The following PRKN variants were observed in gnomAD, a reference collection of about 807,000 sequenced individuals.
The protein encoded by PRKN is E3 ubiquitin-protein ligase parkin.
Under a neutral mutation model 59.5 loss-of-function variants are expected in PRKN, and 56 were observed. The observed-to-expected ratio is 0.94, with a 90% CI of 0.76 to 1.18. The LOEUF (loss-of-function observed/expected upper bound fraction) is 1.18, where lower values mean the gene tolerates loss of function less well. Among genes scored for constraint, PRKN ranks in the 50% most tolerant of loss-of-function variants. The probability of loss-of-function intolerance (pLI) is 0.00; values close to 1 mark genes in which losing one functional copy is unlikely to be tolerated. For synonymous variants in PRKN, 250 were observed against 222.1 expected, an observed-to-expected ratio of 1.13 and a Z score of -1.12; for missense variants, 657 against 596.4, an observed-to-expected ratio of 1.10 and a Z score of -1.06.
chr6:162,548,860 G>T (rs76018423), intron 1 of PRKN, among the ~76,000 whole-genome samples: 343 of 152,124 alleles, frequency 2.3e-3, no homozygotes, highest in African/African-American at 7.8e-3. Context: ...AATAACTCTC[G>T]GGTGCTTTTT....
At chr6:162,724,822 T>C (rs1404862799) in intron 1 of PRKN, among the ~76,000 whole-genome samples, 1 of 152,206 alleles carries the variant, frequency 6.6e-6, no homozygotes, top group South Asian at 2.1e-4. Flanking sequence ...AAGTATTCTG[T>C]TTTATCTAAG....
chr6:162,433,207 G>A (rs556285860), intron 2 of PRKN, among the ~76,000 whole-genome samples: 1 of 152,210 alleles, frequency 6.6e-6, no homozygotes, highest in Admixed American at 6.5e-5. Context: ...TCCTTTGTAG[G>A]TAAAATTTCA....
Position 161,480,231 on chromosome 6 carries a change from G to C in PRKN, c.1083+68623C>G, listed in dbSNP as rs182322723. On this transcript the variant is annotated intron_variant, in intron 9 of 11. Transcript: ENST00000366898. This position sits in a 1 kb window ranked among gnomAD's most constrained non-coding sequence, Gnocchi z 4.1. ...AAGCCCAGTGCAAAACAAAGACACA[G>C]AGCCCCTTCTTCAAAAATGATTTAG... Among the ~76,000 whole-genome samples, 208 of 152,276 alleles carry C rather than the reference G, an allele frequency of 1.4e-3. 2 individuals are homozygous for C. The highest frequency in any genetic ancestry group is 4.8e-3 in the African/African-American group (199 of 41,554).
chr6:161,662,662 T>C (rs1374049310), intron 7 of PRKN, among the ~76,000 whole-genome samples: 1 of 124,794 alleles, frequency 8.0e-6, no homozygotes, highest in African/African-American at 2.6e-5. Context: ...TCTGACCACT[T>C]TGTGTCTTTG....
intron 2 of PRKN, among the ~76,000 whole-genome samples, chr6:162,401,979 G>C (rs1787816868): frequency 6.6e-6 from 1 of 152,092 alleles, no homozygotes; most frequent in Admixed American, 6.5e-5. Context: ...GCCGGGTGAA[G>C]TGGCTCATCC....
rs1320439103 is a variant in PRKN at position 161,548,904 on chromosome 6, G to A, written c.1033C>T (p.Pro345Ser). 6.2e-7 allele frequency: 1 copy of A among 1,614,138 alleles called. No individual in the cohort carries two copies. The highest frequency in any genetic ancestry group is 8.5e-7 in the Non-Finnish European group (1 of 1,180,014). The change falls in exon 9 of 12, where the codon CCT (proline) becomes TCT (serine). Residue 345 changes from proline to serine, a missense_variant. By Grantham distance (74) the Pro-to-Ser change is moderately conservative. Transcript: ENST00000366898. The surrounding 1 kb of genome is among the most constrained non-coding windows in gnomAD (Gnocchi z 4.2). ...PGCGAGLLPE[P>S]DQRKVTCEGG... ...TCGCAGGTGACTTTCCTCTGGTCAG[G>A]CTCCGGCAGCAGCCCCGCTCCACAG...
intron 1 of PRKN, among the ~76,000 whole-genome samples, chr6:162,459,709 T>C (rs1791066527): frequency 6.6e-6 from 1 of 152,194 alleles, no homozygotes; most frequent in African/African-American, 2.4e-5. Flanking sequence ...CATGTAAAAT[T>C]CTTAGATTAA....
At chr6:162,722,049 C>A (rs988116274) in intron 1 of PRKN, among the ~76,000 whole-genome samples, 1 of 152,112 alleles carries the variant, frequency 6.6e-6, no homozygotes, top group Non-Finnish European at 1.5e-5. Flanking sequence ...GCAATCTATA[C>A]CACCAATATA....
At position 161,575,420 on chromosome 6, in the gene PRKN, C is replaced by T. The variant is rs1349097601; in HGVS notation, c.872-6004G>A. ...CAACCCCAAACAAAACAAAACAAAA[C>T]AAATACCTTTGAGAGATTAACTGAG... On this transcript the variant is annotated intron_variant, in intron 7 of 11. Transcript: ENST00000366898. This position sits in a 1 kb window ranked among gnomAD's most constrained non-coding sequence, Gnocchi z 4.6. 2.0e-5 allele frequency among the ~76,000 whole-genome samples: 3 copies of T among 152,230 alleles called. No homozygotes were observed. The highest frequency in any genetic ancestry group is 4.4e-5 in the Non-Finnish European group (3 of 68,000).
intron 9 of PRKN, among the ~76,000 whole-genome samples, chr6:161,474,388 G>A (rs548131024): frequency 1.3e-5 from 2 of 152,278 alleles, no homozygotes; most frequent in African/African-American, 4.8e-5. Flanking sequence ...AGTCCGTGGA[G>A]CTTGTGAACT....
chr6:162,469,334 A>C (rs1791593062), intron 1 of PRKN, among the ~76,000 whole-genome samples: 1 of 79,306 alleles, frequency 1.3e-5, no homozygotes, highest in Non-Finnish European at 2.4e-5. Flanking sequence ...GAATGTTAAG[A>C]AAGTGGGGGG....
At chr6:161,913,732 G>A (rs1778452564) in intron 6 of PRKN, among the ~76,000 whole-genome samples, 1 of 152,168 alleles carries the variant, frequency 6.6e-6, no homozygotes, top group African/African-American at 2.4e-5. Context: ...TGGACTGAAT[G>A]CTTGTGTCTC....
At chr6:162,371,501 A>G (rs1438559675) in intron 2 of PRKN, among the ~76,000 whole-genome samples, 1 of 152,152 alleles carries the variant, frequency 6.6e-6, no homozygotes, top group Admixed American at 6.5e-5. Context: ...GGTGACCCTA[A>G]ATACAAGTTA....
chr6:161,732,173 G>A (rs1168861077), intron 7 of PRKN, among the ~76,000 whole-genome samples: 1 of 151,010 alleles, frequency 6.6e-6, no homozygotes, highest in African/African-American at 2.4e-5. Context: ...TGGAACCTCC[G>A]CCTCCTGGGT....
At position 161,405,420 on chromosome 6, in the gene PRKN, A is replaced by G. The variant is rs1207574898; in HGVS notation, c.1084-18543T>C. 6.6e-6 allele frequency among the ~76,000 whole-genome samples: 1 copy of G among 151,842 alleles called. No homozygotes were observed. The highest frequency in any genetic ancestry group is 2.4e-5 in the African/African-American group (1 of 41,284). ...TGGTGAAACCCCGTCTCTACCGAAAATGCACAAATTAGCCAGGCATGGTGG... is the reference window on the plus strand; with the variant it reads ...TGGTGAAACCCCGTCTCTACCGAAAGTGCACAAATTAGCCAGGCATGGTGG... On this transcript the variant is annotated intron_variant, in intron 9 of 11. Transcript: ENST00000366898. The surrounding 1 kb of genome is among the most constrained non-coding windows in gnomAD (Gnocchi z 5.1).
intron 1 of PRKN, among the ~76,000 whole-genome samples, chr6:162,643,412 A>AAGAAAG (rs1554257308): frequency 2.1e-5 from 3 of 139,610 alleles, no homozygotes; most frequent in East Asian, 2.3e-4. Context: ...AAAAAAAAAA[A>AAGAAAG]AAAGAAAGAA....
chr6:161,543,826 T>G (rs183511569), intron 9 of PRKN, among the ~76,000 whole-genome samples: 36 of 152,326 alleles, frequency 2.4e-4, no homozygotes, highest in African/African-American at 8.7e-4. Flanking sequence ...CATAGCTTTC[T>G]GCATTCCCAG....
At chr6:162,484,715 T>C (rs1273335290) in intron 1 of PRKN, among the ~76,000 whole-genome samples, 2 of 152,224 alleles carry the variant, frequency 1.3e-5, no homozygotes, top group Non-Finnish European at 2.9e-5. Flanking sequence ...AGACGGGGCA[T>C]GCTTCTTAGG....
chr6:161,927,690 G>C (rs1164516522), intron 6 of PRKN, among the ~76,000 whole-genome samples: 1 of 152,022 alleles, frequency 6.6e-6, no homozygotes, highest in East Asian at 1.9e-4. Flanking sequence ...AAATTACTTT[G>C]CTTGAACTTG....
Sources: gnomAD v4.1 joint callset for allele counts (sites outside exome capture counted in the v4.1 genomes callset) on GRCh38, gnomAD v4.1.1 for gene constraint, Gnocchi (gnomAD v3.1) non-coding constraint, MANE v1.5 for transcripts, NCBI Gene and HGNC (gene_info 2026-07-23, HGNC 2026-07-21) for gene names.